Variants in CYP2U1 observed in about 807,000 individuals in gnomAD.
The protein encoded by CYP2U1 is cytochrome P450 family 2 subfamily U member 1.
Under a neutral mutation model 42.8 loss-of-function variants are expected in CYP2U1, and 28 were observed. The ratio of observed to expected loss-of-function variants is 0.65; its 90% CI spans 0.48 to 0.90. The LOEUF (loss-of-function observed/expected upper bound fraction) is 0.90. CYP2U1 is among the 40% of genes least tolerant of loss of function. CYP2U1 has a pLI of 0.00. For synonymous variants in CYP2U1, 296 were observed against 278.9 expected (o/e 1.06, Z -0.61); for missense variants, 642 against 693.8 (o/e 0.93, Z 0.84).
At chr4:107,948,491 CG>C (rs1733789914) in intron 3 of CYP2U1, among the ~76,000 whole-genome samples, 1 of 151,942 alleles carries the variant, frequency 6.6e-6, no homozygotes, top group South Asian at 2.1e-4. Context: ...CACTTGAACC[CG>C]GGAGGCAGAG....
At chr4:107,939,921 C>T (rs1244730844) in intron 1 of CYP2U1, among the ~76,000 whole-genome samples, 2 of 152,086 alleles carry the variant, frequency 1.3e-5, no homozygotes, top group African/African-American at 4.8e-5. Flanking sequence ...AGTGCTTCAA[C>T]TGGGTGAAAG....
chr4:107,947,693 C>T (rs1035542724), intron 3 of CYP2U1, among the ~76,000 whole-genome samples, 156 bp downstream of exon 3: 2 of 152,208 alleles, frequency 1.3e-5, no homozygotes, highest in East Asian at 1.9e-4. Flanking sequence ...AGGGAATGTT[C>T]AGCCCTCCGC....
Position 107,931,603 on chromosome 4 carries a change from C to T in CYP2U1, c.-41C>T. On this transcript the variant is annotated 5_prime_UTR_variant, in exon 1 of 5. Transcript: ENST00000332884. ...TCAGGCAGCTGCGTGCGCGTCTCCT[C>T]CAGGCAGCAAGGGGAACCCGAGGCC... 8.0e-7 allele frequency: 1 copy of T among 1,245,408 alleles called. No homozygotes were observed. The highest frequency in any genetic ancestry group is 3.1e-4 in the Middle Eastern group (1 of 3,184). The allele number at this position is 1,245,408 out of a possible 1,614,324, so 77.1% of individuals were successfully genotyped here.
chr4:107,933,359 AAAAAG>A (rs1269716053), intron 1 of CYP2U1, among the ~76,000 whole-genome samples: 3 of 152,208 alleles, frequency 2.0e-5, no homozygotes, highest in Non-Finnish European at 4.4e-5. Flanking sequence ...ACAATTTTTA[AAAAAG>A]AAAAGAAAAG....
rs1265246983 is a variant in CYP2U1 at position 107,950,357 on chromosome 4, C to G, written c.1569C>G (p.Leu523=). The part of the protein sequence containing the change: ...FALPEDSKKP[L]LTGRFGLTLA... ...TACCTGAGGATTCTAAGAAGCCCCT[C>G]CTGACTGGAAGATTTGGTCTAACTT... Residue 523 remains leucine (L), a synonymous_variant, in exon 5 of 5, where the codon CTC becomes CTG. Transcript: ENST00000332884. 6.2e-7 allele frequency: 1 copy of G among 1,613,884 alleles called. No individual in the cohort carries two copies. The highest frequency in any genetic ancestry group is 8.5e-7 in the Non-Finnish European group (1 of 1,179,988).
At chr4:107,949,205 C>G in intron 3 of CYP2U1, 145 bp from the exon 4 acceptor site, 1 of 697,484 alleles carries the variant, frequency 1.4e-6, no homozygotes, top group Non-Finnish European at 2.1e-6. Context: ...AGATCTTATC[C>G]CTGCCCTCAA....
chr4:107,942,343 C>T (rs1253463800), intron 1 of CYP2U1, among the ~76,000 whole-genome samples: 1 of 152,008 alleles, frequency 6.6e-6, no homozygotes, highest in African/African-American at 2.4e-5. Flanking sequence ...CCCCAGACCT[C>T]TGTGTTTAAA....
rs34360981 is a variant in CYP2U1, at chr4:107,944,470, A to ATTT, written c.491-488_491-486dup. ...AGATGCATGCCACCACACCCGGCTA[A>ATTT]TTTTTTTTTTTTTTAAATAGAGATG... On this transcript the variant is annotated intron_variant, in intron 1 of 4. Coordinates refer to ENST00000332884, the MANE Select transcript of CYP2U1 (RefSeq NM_183075.3). 5.2e-4 allele frequency among the ~76,000 whole-genome samples: 74 copies of ATTT among 143,108 alleles called. 1 individual carries two copies. Among genetic ancestry groups the ATTT allele is most frequent in the Admixed American group, 2.2e-3 (31 of 14,214 alleles). 93.9% of individuals were successfully genotyped at this position (143,108 alleles called of 152,430 possible).
rs1449420553 is a variant in CYP2U1, at chr4:107,931,666, A to G, written c.23A>G (p.Gln8Arg). The change falls in exon 1 of 5, where the codon CAG becomes CGG. Residue 8 changes from glutamine to arginine, a missense_variant. Physicochemically the swap from Gln to Arg is conservative, Grantham distance 43 (BLOSUM62 1). Transcript: ENST00000332884. ...ACCATGTCGTCTCCGGGGCCGTCGC[A>G]GCCGCCGGCCGAGGACCCGCCCTGG... MSSPGPS[Q>R]PPAEDPPWPA... 6 of 1,261,554 alleles carry G rather than the reference A, an allele frequency of 4.8e-6. No individual in the cohort carries two copies. The African/African-American group carries it at 9.4e-5, about 20-fold the overall frequency. The allele number at this position is 1,261,554 out of a possible 1,614,324, so 78.1% of individuals were successfully genotyped here. A position where few individuals can be genotyped will look rare whatever the true frequency, so the allele number is the denominator to read the frequency against.
chr4:107,951,950 A>ATGGGATC lies in CYP2U1; in HGVS notation c.*1527_*1528insTGGGATC, dbSNP rs1733923265. On this transcript the variant is annotated 3_prime_UTR_variant, in exon 5 of 5. Coordinates refer to ENST00000332884, the MANE Select transcript of CYP2U1 (RefSeq NM_183075.3). ...TTCAAACCTACTGGTCTCTGTGACT[A>ATGGGATC]AAGAACACTTTCAGAACCACTTCTT... The ATGGGATC allele has an allele frequency of 6.6e-6, 1 of 152,240 alleles. No homozygotes were observed. The highest frequency in any genetic ancestry group is 2.4e-5 in the African/African-American group (1 of 41,440). The allele number at this position is 152,240 out of a possible 1,614,324, so 9.4% of individuals were successfully genotyped here. A position where few individuals can be genotyped will look rare whatever the true frequency, so the allele number is the denominator to read the frequency against.
chr4:107,931,589 C>A lies in CYP2U1; in HGVS notation c.-55C>A, dbSNP rs978358788. On this transcript the variant is annotated 5_prime_UTR_variant, in exon 1 of 5. Transcript: ENST00000332884. ...ACTGGCGCCGCGGGTCAGGCAGCTG[C>A]GTGCGCGTCTCCTCCAGGCAGCAAG... 9.8e-6 allele frequency: 12 copies of A among 1,229,804 alleles called. No individual in the cohort carries two copies. The East Asian group carries it at 3.2e-4, about 33-fold the overall frequency. The allele number at this position is 1,229,804 out of a possible 1,614,324, so 76.2% of individuals were successfully genotyped here.
chr4:107,950,586 G>T lies in CYP2U1; in HGVS notation c.*163G>T. On this transcript the variant is annotated 3_prime_UTR_variant, in exon 5 of 5. Transcript: ENST00000332884. The stretch of plus-strand genomic sequence containing the variant: ...GCACACTGGGAGGTTTCATCTTGGA[G>T]GATTCCTCAGCAGGATACTTCAGCC... The T allele has an allele frequency of 1.6e-6, 1 of 627,590 alleles. No homozygotes were observed. Among genetic ancestry groups the T allele is most frequent in the Non-Finnish European group, 2.5e-6 (1 of 398,598 alleles). The allele number at this position is 627,590 out of a possible 1,614,324, so 38.9% of individuals were successfully genotyped here.
chr4:107,945,936 A>G (rs1733685159), intron 2 of CYP2U1, among the ~76,000 whole-genome samples: 1 of 152,204 alleles, frequency 6.6e-6, no homozygotes, highest in South Asian at 2.1e-4. Flanking sequence ...TTTTTTTGAA[A>G]TTGGAGAACA....
intron 1 of CYP2U1, chr4:107,938,674 T>G (rs1370324932): frequency 6.6e-6 from 1 of 152,108 alleles, no homozygotes; most frequent in Admixed American, 6.6e-5. Context: ...TGAACTAGCT[T>G]GAGGGTATAT....
intron 3 of CYP2U1, among the ~76,000 whole-genome samples, chr4:107,948,426 T>C (rs1733787620): frequency 6.6e-6 from 1 of 151,856 alleles, no homozygotes; most frequent in Non-Finnish European, 1.5e-5. Flanking sequence ...TAGCCAGGCA[T>C]GGTGGCACAC....
chr4:107,949,692 A>G lies in CYP2U1; in HGVS notation c.1456+175A>G, dbSNP rs151142789. ...TGTTCATTTCAGATTTTAATAAAGC[A>G]GTTGGTTTTAAATCTCTAAATGTGA... is the stretch of plus-strand genomic sequence containing the variant. On this transcript the variant is annotated intron_variant, in intron 4 of 4. Transcript: ENST00000332884. 1.6e-4 allele frequency among the ~76,000 whole-genome samples: 24 copies of G among 152,322 alleles called. No individual in the cohort carries two copies. In the East Asian group the frequency reaches 4.0e-3, roughly 26 times the overall value.
At position 107,950,413 on chromosome 4, in the gene CYP2U1, C is replaced by T. The variant is rs1188396118; in HGVS notation, c.1625C>T (p.Ser542Leu). ...LAPHPFNITI[S>L]RR ...CCACATCCATTTAATATAACTATTT[C>T]AAGGAGATGAAGAGCATCTCCAAGA... The change falls in exon 5 of 5, where the codon TCA becomes TTA. Residue 542 changes from serine (S) to leucine (L), a missense_variant. Ser to Leu is a moderately radical substitution (Grantham distance 145). Transcript: ENST00000332884. 1 of 1,606,830 alleles carries T rather than the reference C, an allele frequency of 6.2e-7. No individual in the cohort carries two copies. The highest frequency in any genetic ancestry group is 8.5e-7 in the Non-Finnish European group (1 of 1,178,208).
Position 107,932,007 on chromosome 4 carries a change from A to G in CYP2U1, c.364A>G (p.Ile122Val), listed in dbSNP as rs1276540394. ...RVYGSIFSFF[I>V]GHYLVVVLSD... ...GTACGGCAGCATCTTCAGCTTCTTT[A>G]TCGGCCACTACCTGGTGGTGGTCCT... is the stretch of plus-strand genomic sequence containing the variant. The change falls in exon 1 of 5, where the codon ATC becomes GTC. Residue 122 changes from isoleucine (I) to valine (V), a missense_variant. Ile to Val is a conservative substitution (Grantham distance 29). Transcript: ENST00000332884. 11 of 1,557,452 alleles carry G rather than the reference A, an allele frequency of 7.1e-6. No homozygotes were observed. Among genetic ancestry groups the G allele is most frequent in the Non-Finnish European group, 9.6e-6 (11 of 1,150,764 alleles).
intron 1 of CYP2U1, among the ~76,000 whole-genome samples, chr4:107,932,681 G>A (rs1228921118): frequency 2.0e-5 from 3 of 152,162 alleles, no homozygotes; most frequent in African/African-American, 7.2e-5. Flanking sequence ...CATTTTTGGG[G>A]GTTGGAAAAC....
Sources: allele counts gnomAD v4.1 joint callset (sites outside exome capture counted in the v4.1 genomes callset), GRCh38; gene constraint gnomAD v4.1.1; transcripts MANE v1.5; gene names NCBI Gene and HGNC (gene_info 2026-07-23, HGNC 2026-07-21).